The following ELMO1 variants were observed in gnomAD, a reference collection of about 807,000 sequenced individuals.
ELMO1 encodes engulfment and cell motility 1.
In ELMO1, 26 loss-of-function variants were observed where a neutral mutation model predicts 98.9. The observed-to-expected ratio is 0.26, with a 90% CI of 0.19 to 0.36. The LOEUF (loss-of-function observed/expected upper bound fraction) is 0.36, where lower values mean the gene tolerates loss of function less well. ELMO1 is among the 10% of genes least tolerant of loss of function. The pLI is 1.00. For missense variants in ELMO1, 627 were observed against 935.2 expected (o/e 0.67, Z 4.30); for synonymous variants, 346 against 346.0 (o/e 1.00, Z 0.00).
intron 8 of ELMO1, among the ~76,000 whole-genome samples, chr7:37,228,784 C>T (rs1362545025): frequency 6.6e-6 from 1 of 151,950 alleles, no homozygotes; most frequent in Non-Finnish European, 1.5e-5. Context: ...GGGTGGATCA[C>T]GAGGTCAGGA....
At chr7:37,031,047 C>T (rs992760638) in intron 15 of ELMO1, among the ~76,000 whole-genome samples, 1 of 152,148 alleles carries the variant, frequency 6.6e-6, no homozygotes, top group Admixed American at 6.5e-5. Flanking sequence ...CAATCACCAT[C>T]TCACAAATAT....
chr7:37,342,582 AAT>A lies in ELMO1; in HGVS notation c.78+29_78+30del, dbSNP rs755431148. The A allele has an allele frequency of 6.2e-7, 1 of 1,609,368 alleles. No individual in the cohort carries two copies. The highest frequency in any genetic ancestry group is 8.5e-7 in the Non-Finnish European group (1 of 1,175,704). ...ATTCCAGTATAGAAAGGAAACTGAA[AAT>A]AGACACCCAATGCTGTCACGTTACT... On this transcript the variant is annotated intron_variant, in intron 2 of 21. Coordinates refer to ENST00000310758, the MANE Select transcript of ELMO1 (RefSeq NM_014800.11). This position sits in a 1 kb window ranked among gnomAD's most constrained non-coding sequence, Gnocchi z 4.3.
At chr7:37,256,729 AG>A (rs1795679039) in intron 6 of ELMO1, among the ~76,000 whole-genome samples, 1 of 36,010 alleles carries the variant, frequency 2.8e-5, no homozygotes, top group Non-Finnish European at 4.2e-5. Context: ...GGCAGGGGGA[AG>A]GGAAGGGAAG....
intron 16 of ELMO1, among the ~76,000 whole-genome samples, chr7:36,903,165 AGTGCTT>A (rs2129060227): frequency 6.6e-6 from 1 of 152,288 alleles, no homozygotes; most frequent in East Asian, 1.9e-4. Context: ...GGATTCTCTC[AGTGCTT>A]GAACTTCACT....
At chr7:37,447,265 T>A (rs1402222026) in intron 1 of ELMO1, among the ~76,000 whole-genome samples, 1 of 152,214 alleles carries the variant, frequency 6.6e-6, no homozygotes, top group Non-Finnish European at 1.5e-5. Context: ...CTTCCATAGC[T>A]TCATCCCCAA....
At position 37,309,303 on chromosome 7, in the gene ELMO1, G is replaced by A. The variant is rs1053807721; in HGVS notation, c.192+5547C>T. Among the ~76,000 whole-genome samples the A allele has an allele frequency of 2.6e-5, 4 of 152,216 alleles. No homozygotes were observed. The Middle Eastern group carries it at 0.01, about 388-fold the overall frequency. On this transcript the variant is annotated intron_variant, in intron 4 of 21. Transcript: ENST00000310758. ...TCAAGAGACTTATTCACTACCACGAGAACAGTACGGAGGAAACCTCCCCCT... is the reference window on the plus strand; with the variant it reads ...TCAAGAGACTTATTCACTACCACGAAAACAGTACGGAGGAAACCTCCCCCT...
At chr7:37,153,313 G>A (rs990443477) in intron 13 of ELMO1, among the ~76,000 whole-genome samples, 1 of 152,126 alleles carries the variant, frequency 6.6e-6, no homozygotes, top group Non-Finnish European at 1.5e-5. Context: ...TATGGAGGGC[G>A]AGCCAAAGCA....
At chr7:37,169,236 C>T (rs192320197) in intron 13 of ELMO1, among the ~76,000 whole-genome samples, 2 of 152,180 alleles carry the variant, frequency 1.3e-5, no homozygotes, top group African/African-American at 2.4e-5. Context: ...TTCCAGGTGC[C>T]GTCTGTCACC....
At chr7:37,443,036 C>T (rs142714637) in intron 1 of ELMO1, among the ~76,000 whole-genome samples, 14 of 152,344 alleles carry the variant, frequency 9.2e-5, no homozygotes, top group African/African-American at 2.6e-4. Context: ...ACTATTCTGA[C>T]TGTTCTCCAT....
intron 1 of ELMO1, among the ~76,000 whole-genome samples, chr7:37,395,775 A>G (rs1311928934): frequency 3.9e-5 from 6 of 152,158 alleles, no homozygotes; most frequent in African/African-American, 7.2e-5. Context: ...CCACTTCTCT[A>G]TATACTCACT....
chr7:37,274,795 C>T (rs1306168497), intron 4 of ELMO1, among the ~76,000 whole-genome samples: 3 of 152,198 alleles, frequency 2.0e-5, no homozygotes, highest in Admixed American at 1.3e-4. Context: ...TTGTGATCTG[C>T]CCATCTCAGC....
intron 2 of ELMO1, among the ~76,000 whole-genome samples, chr7:37,321,716 C>CAAAAAAAAAAAAAAAAAAAAAA (rs565421716): frequency 9.1e-5 from 6 of 66,086 alleles, no homozygotes; most frequent in Non-Finnish European, 1.6e-4. Context: ...GACTCCGTCT[C>CAAAAAAAAAAAAAAAAAAAAAA]AAAAAAAAAA....
chr7:37,446,708 C>A (rs543960134), intron 1 of ELMO1, among the ~76,000 whole-genome samples: 1 of 152,180 alleles, frequency 6.6e-6, no homozygotes, highest in Non-Finnish European at 1.5e-5. Flanking sequence ...GGTCTGCCTC[C>A]GAGCCTGCCC....
chr7:37,440,768 C>CG (rs70975024), intron 1 of ELMO1, among the ~76,000 whole-genome samples: 4 of 129,966 alleles, frequency 3.1e-5, no homozygotes, highest in African/African-American at 1.2e-4. Flanking sequence ...GACTCCATCT[C>CG]AAAAAAAAAA....
At chr7:37,344,193 G>C (rs186581559) in intron 1 of ELMO1, among the ~76,000 whole-genome samples, 1 of 151,874 alleles carries the variant, frequency 6.6e-6, no homozygotes, top group East Asian at 1.9e-4. Flanking sequence ...CACCACATCC[G>C]GCTAACTTTT....
intron 13 of ELMO1, among the ~76,000 whole-genome samples, chr7:37,135,237 G>C (rs1787191215): frequency 6.6e-6 from 1 of 152,136 alleles, no homozygotes; most frequent in Admixed American, 6.5e-5. Context: ...ACATCTGCCA[G>C]TTTTTCCAAG....
At chr7:37,448,253 C>T (rs1473361032) in intron 1 of ELMO1, among the ~76,000 whole-genome samples, 1 of 152,072 alleles carries the variant, frequency 6.6e-6, no homozygotes, top group East Asian at 1.9e-4. Flanking sequence ...GATCCCAGCC[C>T]CACATCCCCC....
At chr7:37,350,895 C>T (rs867725121) in intron 1 of ELMO1, among the ~76,000 whole-genome samples, 2 of 152,172 alleles carry the variant, frequency 1.3e-5, no homozygotes, top group Non-Finnish European at 2.9e-5. Context: ...CATCTGTAAG[C>T]CAAGGAGAAA....
chr7:36,925,480 G>A (rs913349076), intron 16 of ELMO1, among the ~76,000 whole-genome samples: 2 of 152,076 alleles, frequency 1.3e-5, no homozygotes, highest in African/African-American at 4.8e-5. Context: ...GGCAGGTAAT[G>A]ACCAGGTACT....
Sources: allele counts gnomAD v4.1 joint callset (sites outside exome capture counted in the v4.1 genomes callset), GRCh38; gene constraint gnomAD v4.1.1; non-coding constraint Gnocchi (gnomAD v3.1); transcripts MANE v1.5; gene names NCBI Gene and HGNC (gene_info 2026-07-23, HGNC 2026-07-21).